The following ZNF710 variants were observed in gnomAD, a reference collection of about 807,000 sequenced individuals.
ZNF710 encodes zinc finger protein 710.
Under a neutral mutation model 50.6 loss-of-function variants are expected in ZNF710, and 13 were observed. The observed-to-expected ratio is 0.26, with a 90% CI of 0.17 to 0.41. The LOEUF (loss-of-function observed/expected upper bound fraction) is 0.41, where lower values mean the gene tolerates loss of function less well. Ranked by LOEUF, ZNF710 falls within the 10% of genes least tolerant of loss-of-function variation. The pLI, the probability that ZNF710 is intolerant of heterozygous loss-of-function variation, is 1.00. For missense variants in ZNF710, 721 were observed against 936.6 expected, an observed-to-expected ratio of 0.77 and a Z score of 3.01; for synonymous variants, 383 against 397.0, an observed-to-expected ratio of 0.96 and a Z score of 0.42.
At position 90,020,808 on chromosome 15, in the gene ZNF710, C is replaced by T. The variant is rs1247328376; in HGVS notation, c.-29+19194C>T. On this transcript the variant is annotated intron_variant, in intron 1 of 4. Transcript: ENST00000268154. ...GGTCCTCCCTCTCCTCCCTGAATGG[C>T]GGGTCCCCCACCCGCCTCCCCGCAA... 2.6e-5 allele frequency among the ~76,000 whole-genome samples: 4 copies of T among 152,172 alleles called. No homozygotes were observed. In the South Asian group the frequency reaches 6.2e-4, roughly 24 times the overall value.
At position 90,073,270 on chromosome 15, in the gene ZNF710, G is replaced by A; in HGVS notation, c.1650+8G>A. ...AAGCCATTCAAATGCAAGGTACCCGGTCATCAGGCCCCGGGGCTGGGACCT... is the reference window on the plus strand; with the variant it reads ...AAGCCATTCAAATGCAAGGTACCCGATCATCAGGCCCCGGGGCTGGGACCT... On this transcript the variant is annotated splice_region_variant and intron_variant, in intron 3 of 4. Transcript: ENST00000268154. 6.2e-7 allele frequency: 1 copy of A among 1,609,568 alleles called. No homozygotes were observed. The highest frequency in any genetic ancestry group is 1.1e-5 in the South Asian group (1 of 91,000).
chr15:90,007,256 A>G (rs1002997591), intron 1 of ZNF710, among the ~76,000 whole-genome samples: 1 of 152,176 alleles, frequency 6.6e-6, no homozygotes, highest in African/African-American at 2.4e-5. Flanking sequence ...CCAAAAGCGG[A>G]ACCTAAAACG....
At chr15:90,021,091 C>T (rs60424147) in intron 1 of ZNF710, among the ~76,000 whole-genome samples, 3,832 of 107,478 alleles carry the variant, frequency 0.036, 153 homozygotes, top group African/African-American at 0.11. Flanking sequence ...TGGAGTCAAA[C>T]GTTTCTCCAG....
At chr15:90,052,914 C>T (rs749505800) in intron 1 of ZNF710, among the ~76,000 whole-genome samples, 2 of 152,130 alleles carry the variant, frequency 1.3e-5, no homozygotes, top group Non-Finnish European at 2.9e-5. Context: ...GCCTGGGCGA[C>T]AGAGAGAGAC....
chr15:90,024,635 C>T (rs1898721838), intron 1 of ZNF710, among the ~76,000 whole-genome samples: 1 of 152,254 alleles, frequency 6.6e-6, no homozygotes, highest in African/African-American at 2.4e-5. Flanking sequence ...AGGAACTACT[C>T]TGTCTGTGGC....
At chr15:90,031,018 C>CAAAAAAAAAA (rs372425290) in intron 1 of ZNF710, among the ~76,000 whole-genome samples, 6 of 89,760 alleles carry the variant, frequency 6.7e-5, no homozygotes, top group Non-Finnish European at 8.1e-5. Context: ...GACTCCGTCT[C>CAAAAAAAAAA]AAAAAAAAAG....
At position 90,042,359 on chromosome 15, in the gene ZNF710, C is replaced by A. The variant is rs144906225; in HGVS notation, c.-28-24751C>A. Among the ~76,000 whole-genome samples the A allele has an allele frequency of 2.3e-3, 348 of 152,114 alleles. 1 individual carries two copies. In the East Asian group the frequency reaches 0.025, roughly 11 times the overall value. On this transcript the variant is annotated intron_variant, in intron 1 of 4. Transcript: ENST00000268154. The stretch of plus-strand genomic sequence containing the variant: ...GATCCATTGTGTCTCCCCCCCACCC[C>A]CTCCAGGCAGCATTAGGTTGGCCCC...
chr15:90,030,575 A>C (rs766922354), intron 1 of ZNF710, among the ~76,000 whole-genome samples: 5 of 152,100 alleles, frequency 3.3e-5, no homozygotes, highest in Non-Finnish European at 5.9e-5. Context: ...ACATGTGCGC[A>C]CAGAGTGTGT....
rs540812459 is a variant in ZNF710, at chr15:90,081,358, G to A, written c.*1529G>A. The A allele has an allele frequency of 1.2e-4, 19 of 152,286 alleles. No homozygotes were observed. Among genetic ancestry groups the A allele is most frequent in the Non-Finnish European group, 2.6e-4 (18 of 68,150 alleles). 9.4% of individuals were successfully genotyped at this position (152,286 alleles called of 1,614,324 possible). A position where few individuals can be genotyped will look rare whatever the true frequency, so the allele number is the denominator to read the frequency against. On this transcript the variant is annotated 3_prime_UTR_variant, in exon 5 of 5. Coordinates refer to ENST00000268154, the MANE Select transcript of ZNF710 (RefSeq NM_198526.4). Reference sequence around the variant, plus strand: ...CCACTTGCCTCCTGAGGCCTCAGTGGGGAGGGGCAAGCAGGGGTCTTCCCC... The same window carrying A: ...CCACTTGCCTCCTGAGGCCTCAGTGAGGAGGGGCAAGCAGGGGTCTTCCCC...
chr15:90,043,148 C>T (rs544183927), intron 1 of ZNF710, among the ~76,000 whole-genome samples: 3 of 152,382 alleles, frequency 2.0e-5, no homozygotes, highest in Admixed American at 6.5e-5. Context: ...TGCAGGCAGC[C>T]GGAGAACTGG....
intron 1 of ZNF710, among the ~76,000 whole-genome samples, chr15:90,051,652 A>G (rs1474640624): frequency 2.6e-5 from 4 of 152,156 alleles, no homozygotes; most frequent in Non-Finnish European, 5.9e-5. Flanking sequence ...ATAATAATTA[A>G]TTAATTAATA....
chr15:90,020,505 G>A (rs1596269561), intron 1 of ZNF710, among the ~76,000 whole-genome samples: 1 of 151,964 alleles, frequency 6.6e-6, no homozygotes, highest in South Asian at 2.1e-4. Context: ...GGGAGACACA[G>A]CATGCCAGCT....
chr15:90,038,301 T>G (rs1033052247), intron 1 of ZNF710, among the ~76,000 whole-genome samples: 1 of 152,194 alleles, frequency 6.6e-6, no homozygotes, highest in African/African-American at 2.4e-5. Context: ...CGTGGTGTGT[T>G]TCCTCCTAAC....
chr15:90,028,116 A>G (rs984390834), intron 1 of ZNF710, among the ~76,000 whole-genome samples: 6 of 152,252 alleles, frequency 3.9e-5, no homozygotes, highest in African/African-American at 1.2e-4. Flanking sequence ...AGATTTTATT[A>G]TGAAAGAATT....
intron 1 of ZNF710, among the ~76,000 whole-genome samples, chr15:90,055,247 G>A (rs1899774774): frequency 6.6e-6 from 1 of 152,224 alleles, no homozygotes; most frequent in African/African-American, 2.4e-5. Context: ...GGGTGGGGCA[G>A]GGGGTCCGGG....
rs1435070946 is a variant in ZNF710, at chr15:90,059,147, T to C, written c.-28-7963T>C. The stretch of plus-strand genomic sequence containing the variant: ...CATGTACTTCAAGGGAAGCAGTGCT[T>C]GCACTAAATCCTCAAAGATGATGGG... On this transcript the variant is annotated intron_variant, in intron 1 of 4. Coordinates refer to ENST00000268154, the MANE Select transcript of ZNF710 (RefSeq NM_198526.4). This position sits in a 1 kb window ranked among gnomAD's most constrained non-coding sequence, Gnocchi z 4.1. Among the ~76,000 whole-genome samples, 3 of 152,228 alleles carry C rather than the reference T, an allele frequency of 2.0e-5. No homozygotes were observed. Among genetic ancestry groups the C allele is most frequent in the Admixed American group, 6.5e-5 (1 of 15,286 alleles).
At chr15:90,003,457 GT>G (rs1440122952) in intron 1 of ZNF710, among the ~76,000 whole-genome samples, 11 of 152,186 alleles carry the variant, frequency 7.2e-5, no homozygotes, top group African/African-American at 2.7e-4. Context: ...TCCTGCATTT[GT>G]ACACGTGTAA....
At chr15:90,021,915 T>A (rs1567223398) in intron 1 of ZNF710, among the ~76,000 whole-genome samples, 1 of 152,140 alleles carries the variant, frequency 6.6e-6, no homozygotes, top group African/African-American at 2.4e-5. Context: ...AACCCGTCTC[T>A]ACTAAAAATA....
intron 1 of ZNF710, among the ~76,000 whole-genome samples, chr15:90,015,863 C>T (rs1459335324): frequency 1.3e-5 from 2 of 152,188 alleles, no homozygotes; most frequent in African/African-American, 4.8e-5. Flanking sequence ...CCCCCTTCAG[C>T]CTCCCAAAGT....
Sources: gnomAD v4.1 joint callset for allele counts (sites outside exome capture counted in the v4.1 genomes callset) on GRCh38, gnomAD v4.1.1 for gene constraint, Gnocchi (gnomAD v3.1) non-coding constraint, MANE v1.5 for transcripts, NCBI Gene and HGNC (gene_info 2026-07-23, HGNC 2026-07-21) for gene names.